Variants in R3HDM2 observed in about 807,000 individuals in gnomAD.
The protein encoded by R3HDM2 is R3H domain-containing protein 2.
A neutral mutation model predicts 124.5 loss-of-function variants in R3HDM2; 38 were observed. The ratio of observed to expected loss-of-function variants is 0.31; its 90% CI spans 0.24 to 0.40. The LOEUF (loss-of-function observed/expected upper bound fraction) is 0.40, where lower values mean the gene tolerates loss of function less well. R3HDM2 is among the 10% of genes least tolerant of loss of function. The probability of loss-of-function intolerance (pLI) is 1.00; values close to 1 mark genes in which losing one functional copy is unlikely to be tolerated. For missense variants in R3HDM2, 869 were observed against 1,236.9 expected (o/e 0.70, Z 4.46); for synonymous variants, 391 against 448.0 (o/e 0.87, Z 1.61).
chr12:57,256,640 T>C (rs2039101213), intron 21 of R3HDM2, 129 bp from the exon 22 acceptor site: 3 of 649,802 alleles, frequency 4.6e-6, no homozygotes, highest in African/African-American at 1.8e-5. Context: ...GAAATGCCCA[T>C]GCGACTGGTA....
Position 57,258,004 on chromosome 12 carries a change from C to G in R3HDM2, c.2435G>C (p.Gly812Ala). ...TAACCCCCTACCCTGTGCTGGACCC[C>G]CAGGCCGGGGGAACTGTGTGAGGAC... Reference protein sequence around the residue: ...LPVLTQFPRPGGPAQGDGRYS... With the variant: ...LPVLTQFPRPAGPAQGDGRYS... Residue 812 changes from glycine to alanine, a missense_variant, in exon 21 of 24, where the codon GGG becomes GCG. Transcript: ENST00000402412. The G allele has an allele frequency of 6.4e-7, 1 of 1,564,976 alleles. No homozygotes were observed. The highest frequency in any genetic ancestry group is 1.3e-5 in the African/African-American group (1 of 74,450).
chr12:57,319,196 C>A (rs1203944406), intron 2 of R3HDM2, among the ~76,000 whole-genome samples: 1 of 151,916 alleles, frequency 6.6e-6, no homozygotes, highest in Non-Finnish European at 1.5e-5. Context: ...AAGCAATTTC[C>A]GGCTAATTTT....
At chr12:57,309,302 A>C (rs1000026389) in intron 3 of R3HDM2, among the ~76,000 whole-genome samples, 1 of 152,206 alleles carries the variant, frequency 6.6e-6, no homozygotes, top group East Asian at 1.9e-4. Context: ...CCTGGGCATG[A>C]AGGAAAGGAT....
At chr12:57,262,009 C>T (rs959221408) in intron 19 of R3HDM2, among the ~76,000 whole-genome samples, 1 of 152,094 alleles carries the variant, frequency 6.6e-6, no homozygotes, top group Non-Finnish European at 1.5e-5. Context: ...ACATTTATGT[C>T]TGGCAGAATT....
intron 1 of R3HDM2, among the ~76,000 whole-genome samples, chr12:57,411,876 G>A (rs1422241453): frequency 6.6e-6 from 1 of 152,194 alleles, no homozygotes; most frequent in Non-Finnish European, 1.5e-5. Context: ...CCTGGTGGGA[G>A]GTGACTGGAT....
In R3HDM2 at chr12:57,308,284, G is replaced by A. The variant is rs537487602; in HGVS notation, c.165+1980C>T. The stretch of plus-strand genomic sequence containing the variant: ...TTGGCCAGGCCGATCTTGAACTCCC[G>A]ACCTCAAGTGATCTGCTCACCTTGG... On this transcript the variant is annotated intron_variant, in intron 3 of 23. Coordinates refer to ENST00000402412, the MANE Select transcript of R3HDM2 (RefSeq NM_001394031.1). Among the ~76,000 whole-genome samples, 10 of 151,244 alleles carry A rather than the reference G, an allele frequency of 6.6e-5. 1 individual carries two copies. The highest frequency in any genetic ancestry group is 9.7e-5 in the African/African-American group (4 of 41,238).
rs1439165898 is a variant in R3HDM2 at position 57,369,412 on chromosome 12, A to T, written c.-36+26337T>A. 3.3e-5 allele frequency among the ~76,000 whole-genome samples: 5 copies of T among 152,230 alleles called. No homozygotes were observed. In the East Asian group the frequency reaches 9.6e-4, roughly 29 times the overall value. On this transcript the variant is annotated intron_variant, in intron 2 of 23. Coordinates refer to ENST00000402412, the MANE Select transcript of R3HDM2 (RefSeq NM_001394031.1). Reference sequence around the variant, plus strand: ...GGGTGTAAAACTACATCATCAGGCCATCAGGGACAGACTTTAGCTCAAGTA... The same window carrying T: ...GGGTGTAAAACTACATCATCAGGCCTTCAGGGACAGACTTTAGCTCAAGTA...
intron 2 of R3HDM2, among the ~76,000 whole-genome samples, chr12:57,387,337 C>T (rs1393166539): frequency 3.9e-5 from 6 of 151,986 alleles, no homozygotes; most frequent in African/African-American, 7.2e-5. Context: ...AGCGAGACCA[C>T]GAACCCACCA....
intron 2 of R3HDM2, among the ~76,000 whole-genome samples, chr12:57,363,963 C>T (rs1051300645): frequency 5.3e-5 from 8 of 151,940 alleles, no homozygotes; most frequent in African/African-American, 1.9e-4. Flanking sequence ...GTTTCCTCTT[C>T]AATTTTGAAA....
intron 2 of R3HDM2, among the ~76,000 whole-genome samples, chr12:57,393,704 T>C (rs2067069327): frequency 6.6e-6 from 1 of 151,940 alleles, no homozygotes; most frequent in Admixed American, 6.6e-5. Context: ...CACTCATCTA[T>C]ACATCCAGGA....
At chr12:57,274,428 C>A (rs1201936671) in intron 14 of R3HDM2, among the ~76,000 whole-genome samples, 2 of 152,110 alleles carry the variant, frequency 1.3e-5, no homozygotes, top group African/African-American at 4.8e-5. Flanking sequence ...GAGCCGAGAT[C>A]GCACCACCAC....
At chr12:57,404,709 C>G (rs1392633644) in intron 1 of R3HDM2, among the ~76,000 whole-genome samples, 1 of 151,604 alleles carries the variant, frequency 6.6e-6, no homozygotes, top group African/African-American at 2.4e-5. Context: ...AAAACAAAAA[C>G]AAACAAACAA....
At chr12:57,427,740 G>C (rs1868296691) in intron 1 of R3HDM2, among the ~76,000 whole-genome samples, 1 of 151,948 alleles carries the variant, frequency 6.6e-6, no homozygotes, top group Admixed American at 6.6e-5. Context: ...AAGGGGGATA[G>C]AGAGTTATGT....
chr12:57,254,725 C>T lies in R3HDM2; in HGVS notation c.*48G>A. 7.0e-7 allele frequency: 1 copy of T among 1,432,112 alleles called. No homozygotes were observed. Among genetic ancestry groups the T allele is most frequent in the Non-Finnish European group, 9.5e-7 (1 of 1,052,320 alleles). 88.7% of individuals were successfully genotyped at this position (1,432,112 alleles called of 1,614,324 possible). A position where few individuals can be genotyped will look rare whatever the true frequency, so the allele number is the denominator to read the frequency against. ...GTCTGTCAGGATCCTTCAACCCCCTCCACCCTGCCCTTGCTCCTTCTGTGA... is the reference window on the plus strand; with the variant it reads ...GTCTGTCAGGATCCTTCAACCCCCTTCACCCTGCCCTTGCTCCTTCTGTGA... On this transcript the variant is annotated 3_prime_UTR_variant, in exon 24 of 24. Coordinates refer to ENST00000402412, the MANE Select transcript of R3HDM2 (RefSeq NM_001394031.1).
intron 1 of R3HDM2, among the ~76,000 whole-genome samples, chr12:57,422,445 T>C (rs982602073): frequency 2.2e-4 from 33 of 152,298 alleles, no homozygotes; most frequent in African/African-American, 7.7e-4. Context: ...CTCTGTTACC[T>C]TGCTCTATAC....
chr12:57,272,383 A>G, intron 14 of R3HDM2: 2 of 1,314,400 alleles, frequency 1.5e-6, no homozygotes, highest in Admixed American at 2.0e-5. Context: ...GCCATCACAG[A>G]CTGACCCAGA....
intron 2 of R3HDM2, among the ~76,000 whole-genome samples, chr12:57,351,047 A>G (rs2060626361): frequency 6.6e-6 from 1 of 152,156 alleles, no homozygotes; most frequent in South Asian, 2.1e-4. Context: ...GCAGTGTGCC[A>G]AGACCATGGG....
chr12:57,279,894 GA>G (rs777056847), intron 14 of R3HDM2, among the ~76,000 whole-genome samples: 2 of 152,124 alleles, frequency 1.3e-5, no homozygotes, highest in Non-Finnish European at 2.9e-5. Flanking sequence ...CATATGTATG[GA>G]AGGGGTCTTG....
chr12:57,405,557 C>A (rs2068452634), intron 1 of R3HDM2, among the ~76,000 whole-genome samples: 1 of 152,058 alleles, frequency 6.6e-6, no homozygotes, highest in Non-Finnish European at 1.5e-5. Flanking sequence ...TGGCTTAAGC[C>A]TGGAAGATCA....
Sources: allele counts gnomAD v4.1 joint callset (sites outside exome capture counted in the v4.1 genomes callset), GRCh38; gene constraint gnomAD v4.1.1; transcripts MANE v1.5; gene names NCBI Gene and HGNC (gene_info 2026-07-23, HGNC 2026-07-21).